Variants in LDHAL6A observed in about 807,000 individuals in gnomAD.
LDHAL6A encodes lactate dehydrogenase A like 6A, also known as L-lactate dehydrogenase A-like 6A.
LDHAL6A carries 19 observed loss-of-function variants against 28.2 expected under a neutral mutation model. That is an observed-to-expected ratio of 0.67 (90% CI 0.47 to 0.99). LDHAL6A has a LOEUF of 0.99. Ranked by LOEUF, LDHAL6A falls within the 50% of genes least tolerant of loss-of-function variation. The pLI is 0.00. For synonymous variants in LDHAL6A, 144 were observed against 134.4 expected (o/e 1.07, Z -0.49); for missense variants, 372 against 398.6 (o/e 0.93, Z 0.57).
chr11:18,474,417 T>C (rs1849321662), intron 3 of LDHAL6A, among the ~76,000 whole-genome samples: 1 of 149,456 alleles, frequency 6.7e-6, no homozygotes, highest in Non-Finnish European at 1.5e-5. Flanking sequence ...TGAGACGGAG[T>C]CTTGCTGTTG....
chr11:18,468,038 C>CAT (rs1274628177), intron 3 of LDHAL6A, among the ~76,000 whole-genome samples: 8 of 46,088 alleles, frequency 1.7e-4, no homozygotes, highest in African/African-American at 9.6e-4. Flanking sequence ...TATATATATA[C>CAT]ATATATATAC....
At chr11:18,458,083 C>T (rs1848805002) in intron 1 of LDHAL6A, among the ~76,000 whole-genome samples, 1 of 152,202 alleles carries the variant, frequency 6.6e-6, no homozygotes, top group Admixed American at 6.5e-5. Flanking sequence ...CCTGGAACTC[C>T]TACCTCTGCC....
At chr11:18,465,511 T>A in intron 2 of LDHAL6A, 126 bp from the exon 3 acceptor site, 1 of 611,728 alleles carries the variant, frequency 1.6e-6, no homozygotes, top group Non-Finnish European at 2.7e-6. Flanking sequence ...AGTCTAGGCA[T>A]ACTAGAAGAT....
chr11:18,473,378 A>T (rs1277927636), intron 3 of LDHAL6A, among the ~76,000 whole-genome samples: 2 of 150,414 alleles, frequency 1.3e-5, no homozygotes, highest in Admixed American at 6.6e-5. Flanking sequence ...TTGATAGATG[A>T]AGGTAGGTAG....
chr11:18,457,396 G>A (rs1020581569), intron 1 of LDHAL6A, among the ~76,000 whole-genome samples: 1 of 152,116 alleles, frequency 6.6e-6, no homozygotes, highest in Non-Finnish European at 1.5e-5. Context: ...TTACCATAAA[G>A]TTTTAATAAA....
intron 2 of LDHAL6A, among the ~76,000 whole-genome samples, chr11:18,465,001 T>TTTTG (rs1849025165): frequency 1.4e-5 from 2 of 144,420 alleles, no homozygotes; most frequent in African/African-American, 5.4e-5. Flanking sequence ...TGTTTTGTTT[T>TTTTG]GGTTTGTTTT....
intron 3 of LDHAL6A, among the ~76,000 whole-genome samples, chr11:18,469,620 G>A (rs928522916): frequency 6.6e-6 from 1 of 152,146 alleles, no homozygotes; most frequent in Non-Finnish European, 1.5e-5. Context: ...GCTTAGTTCT[G>A]TATTTGCTTG....
rs985979746 is a variant in LDHAL6A at position 18,465,767 on chromosome 11, C to T, written c.375C>T (p.Thr125=). 3.1e-6 allele frequency: 5 copies of T among 1,613,346 alleles called. No homozygotes were observed. Among genetic ancestry groups the T allele is most frequent in the Non-Finnish European group, 4.2e-6 (5 of 1,179,570 alleles). Residue 125 remains threonine (T), a synonymous_variant, in exon 3 of 7, where the codon ACC becomes ACT. Transcript: ENST00000280706. ...SIFKLMIPNI[T]QYSPHCKLLI... is the part of the protein sequence containing the mutation. ...TTAAATTAATGATTCCCAATATTAC[C>T]CAGTACAGTCCTCACTGCAAACTGC...
intron 6 of LDHAL6A, 111 bp from the exon 7 acceptor site, chr11:18,478,595 C>A: frequency 2.4e-6 from 2 of 836,826 alleles, no homozygotes; most frequent in Non-Finnish European, 3.8e-6. Flanking sequence ...CCTTGGTACT[C>A]TGCCATAGTT....
At chr11:18,476,308 C>G in intron 4 of LDHAL6A, 76 bp from the exon 5 acceptor site, 1 of 1,506,846 alleles carries the variant, frequency 6.6e-7, no homozygotes, top group South Asian at 1.3e-5. Flanking sequence ...GCAATTATAA[C>G]AGTTTTGCTG....
intron 1 of LDHAL6A, among the ~76,000 whole-genome samples, chr11:18,457,656 T>C (rs1473710606): frequency 6.6e-6 from 1 of 152,146 alleles, no homozygotes; most frequent in Non-Finnish European, 1.5e-5. Context: ...TTATCAGCAG[T>C]GTCCTCACTG....
intron 1 of LDHAL6A, among the ~76,000 whole-genome samples, chr11:18,462,659 A>AAAAAAAAAC (rs1848954584): frequency 7.3e-6 from 1 of 137,362 alleles, no homozygotes; most frequent in Non-Finnish European, 1.6e-5. Context: ...AACAAACAAA[A>AAAAAAAAAC]AAAAAAACAA....
intron 3 of LDHAL6A, among the ~76,000 whole-genome samples, chr11:18,467,015 G>C (rs1011213653): frequency 6.6e-6 from 1 of 152,206 alleles, no homozygotes; most frequent in Non-Finnish European, 1.5e-5. Context: ...GTGGGAGTCA[G>C]TGAGGGAAGG....
At chr11:18,475,040 A>C (rs1849338346) in intron 3 of LDHAL6A, among the ~76,000 whole-genome samples, 1 of 152,212 alleles carries the variant, frequency 6.6e-6, no homozygotes, top group Non-Finnish European at 1.5e-5. Flanking sequence ...CAGGAGTTTG[A>C]GACCAGCCTG....
At chr11:18,477,351 C>G (rs1271558042) in intron 5 of LDHAL6A, among the ~76,000 whole-genome samples, 1 of 151,822 alleles carries the variant, frequency 6.6e-6, no homozygotes, top group Admixed American at 6.6e-5. Flanking sequence ...CCCAGCTACT[C>G]AGGAGGCTGA....
intron 1 of LDHAL6A, among the ~76,000 whole-genome samples, chr11:18,458,095 G>C (rs1848805357): frequency 2.0e-5 from 3 of 152,200 alleles, no homozygotes; most frequent in Admixed American, 2.0e-4. Context: ...ACCTCTGCCA[G>C]CTGCTGCTTG....
intron 3 of LDHAL6A, among the ~76,000 whole-genome samples, chr11:18,466,514 C>A (rs1435564010): frequency 6.6e-6 from 1 of 151,852 alleles, no homozygotes; most frequent in Non-Finnish European, 1.5e-5. Flanking sequence ...ATTATCAGGG[C>A]ATGGTGGAGC....
At chr11:18,471,029 G>A (rs1849244531) in intron 3 of LDHAL6A, among the ~76,000 whole-genome samples, 1 of 151,988 alleles carries the variant, frequency 6.6e-6, no homozygotes. Context: ...ACCTACTGCA[G>A]TCTATTTTCA....
chr11:18,458,330 C>T (rs1381243586), intron 1 of LDHAL6A, among the ~76,000 whole-genome samples: 2 of 152,290 alleles, frequency 1.3e-5, no homozygotes, highest in Non-Finnish European at 2.9e-5. Context: ...CATGTAAGAG[C>T]ATCTGTAGGC....
Sources: allele counts gnomAD v4.1 joint callset (sites outside exome capture counted in the v4.1 genomes callset), GRCh38; gene constraint gnomAD v4.1.1; transcripts MANE v1.5; gene names NCBI Gene and HGNC (gene_info 2026-07-23, HGNC 2026-07-21).